Variants in ANKRD62 observed in about 807,000 individuals in gnomAD.
ANKRD62 encodes the protein ankyrin repeat domain-containing protein 62.
ANKRD62 carries 61 observed loss-of-function variants against 98.8 expected under a neutral mutation model. That is an observed-to-expected ratio of 0.62 (90% confidence interval 0.50 to 0.76). The LOEUF is 0.76. Among genes scored for constraint, ANKRD62 ranks in the 30% least tolerant of loss-of-function variants. The pLI, the probability that ANKRD62 is intolerant of heterozygous loss-of-function variation, is 0.00. For missense variants in ANKRD62, 933 were observed against 1,082.9 expected, an observed-to-expected ratio of 0.86 and a Z score of 1.94; for synonymous variants, 341 against 367.9, an observed-to-expected ratio of 0.93 and a Z score of 0.84.
At chr18:12,172,691 G>A in the ANKRD62 span, among the ~76,000 whole-genome samples, 1 of 152,208 alleles carries the variant, frequency 6.6e-6, no homozygotes, top group Non-Finnish European at 1.5e-5. Context: ...GTTCAGCTAT[G>A]CTCTGTCCCC....
intron 10 of ANKRD62, among the ~76,000 whole-genome samples, chr18:12,117,010 G>T (rs1017687297): frequency 6.6e-6 from 1 of 152,030 alleles, no homozygotes; most frequent in Non-Finnish European, 1.5e-5. Context: ...TTTTGATGTA[G>T]TTGTAAATCA....
chr18:12,135,994 G>T, the ANKRD62 span, among the ~76,000 whole-genome samples: 3 of 152,128 alleles, frequency 2.0e-5, no homozygotes, highest in Non-Finnish European at 4.4e-5. Context: ...TCTGTAGGTT[G>T]CCTGTTCACT....
the ANKRD62 span, among the ~76,000 whole-genome samples, chr18:12,160,893 T>TG: frequency 6.6e-6 from 1 of 152,116 alleles, no homozygotes; most frequent in Non-Finnish European, 1.5e-5. Context: ...TAGGAAGATG[T>TG]GCTCAAGAAG....
chr18:12,104,579 T>C (rs1451995963), intron 7 of ANKRD62, among the ~76,000 whole-genome samples: 1 of 152,092 alleles, frequency 6.6e-6, no homozygotes, highest in Non-Finnish European at 1.5e-5. Context: ...TTAAAACTCA[T>C]CAAAATTGAG....
chr18:12,103,383 T>A (rs1300086407), intron 7 of ANKRD62, among the ~76,000 whole-genome samples, 155 bp downstream of exon 7: 1 of 152,178 alleles, frequency 6.6e-6, no homozygotes, highest in Non-Finnish European at 1.5e-5. Flanking sequence ...TTTAAAGTGT[T>A]CTAAGAATCT....
chr18:12,126,314 G>C lies in ANKRD62; in HGVS notation c.2493G>C (p.Gly831=), dbSNP rs1445679490. Residue 831 remains glycine (G), a synonymous_variant, in exon 13 of 14, where the codon GGG becomes GGC. Transcript: ENST00000587848. ...GAAAGCTAGAAGAGAACAATAAGGGGTTGATGAAGGAATGCACTCTTTTAA... is the reference window on the plus strand; with the variant it reads ...GAAAGCTAGAAGAGAACAATAAGGGCTTGATGAAGGAATGCACTCTTTTAA... ...ECRKLEENNK[G]LMKECTLLKE... is the part of the protein sequence containing the mutation. 12 of 1,533,164 alleles carry C rather than the reference G, an allele frequency of 7.8e-6. No individual in the cohort carries two copies. In the South Asian group the frequency reaches 1.4e-4, roughly 18 times the overall value. 95.0% of individuals were successfully genotyped at this position (1,533,164 alleles called of 1,614,324 possible).
the ANKRD62 span, among the ~76,000 whole-genome samples, chr18:12,167,650 C>G: frequency 3.3e-5 from 5 of 152,278 alleles, no homozygotes; most frequent in East Asian, 7.7e-4. Context: ...CGTATATACC[C>G]AGTAATAGGA....
the ANKRD62 span, among the ~76,000 whole-genome samples, chr18:12,159,124 G>A: frequency 1.3e-5 from 2 of 152,056 alleles, no homozygotes; most frequent in Non-Finnish European, 2.9e-5. Flanking sequence ...TAAATGACCA[G>A]GAAAACGTGT....
Position 12,125,461 on chromosome 18 carries a change from A to T in ANKRD62, c.1640A>T (p.Asn547Ile). ...GAGAGTTTTCTTTGTTTTATTTAGA[A>T]TTTTCATACTCATGAAAGAGAAAGA... is the stretch of plus-strand genomic sequence containing the variant. ...LKTVRSNSNQ[N>I]FHTHERERDL... The change falls in exon 13 of 14, where the codon AAT (asparagine) becomes ATT (isoleucine). Residue 547 changes from asparagine to isoleucine, a missense_variant and splice_region_variant. This residue lies in a region of ANKRD62 where 362 missense variants were observed against 434.5 expected (regional missense o/e 0.83). Transcript: ENST00000587848. 1 of 1,448,988 alleles carries T rather than the reference A, an allele frequency of 6.9e-7. No homozygotes were observed. The highest frequency in any genetic ancestry group is 9.0e-7 in the Non-Finnish European group (1 of 1,111,196). 89.8% of individuals were successfully genotyped at this position (1,448,988 alleles called of 1,614,324 possible). A position where few individuals can be genotyped will look rare whatever the true frequency, so the allele number is the denominator to read the frequency against.
At chr18:12,102,026 T>A (rs1909309926) in intron 6 of ANKRD62, 1 of 1,377,722 alleles carries the variant, frequency 7.3e-7, no homozygotes, top group East Asian at 2.3e-5. Context: ...GCTTTGCAGA[T>A]GCCCACATCA....
At chr18:12,097,179 T>G (rs1346904748) in intron 4 of ANKRD62, among the ~76,000 whole-genome samples, 1 of 152,236 alleles carries the variant, frequency 6.6e-6, no homozygotes, top group African/African-American at 2.4e-5. Context: ...GCCTCGCATA[T>G]GATTATCAGC....
In ANKRD62 at chr18:12,123,690, A is replaced by G. The variant is rs191366477; in HGVS notation, c.1455-447A>G. On this transcript the variant is annotated intron_variant, in intron 11 of 13. Transcript: ENST00000587848. ...TTGCAAGAAGGCATCTGGAGGTGCTATCTTACAATGTAAATCATGTTTAGG... is the reference window on the plus strand; with the variant it reads ...TTGCAAGAAGGCATCTGGAGGTGCTGTCTTACAATGTAAATCATGTTTAGG... Among the ~76,000 whole-genome samples the G allele has an allele frequency of 3.9e-4, 59 of 152,360 alleles. No individual in the cohort carries two copies. In the East Asian group the frequency reaches 6.7e-3, roughly 17 times the overall value.
At chr18:12,138,864 AC>A in the ANKRD62 span, among the ~76,000 whole-genome samples, 1 of 150,718 alleles carries the variant, frequency 6.6e-6, no homozygotes, top group Non-Finnish European at 1.5e-5. Context: ...TAGGATTGCA[AC>A]CCCTCCCTTT....
chr18:12,167,315 GT>G, the ANKRD62 span, among the ~76,000 whole-genome samples: 1 of 151,470 alleles, frequency 6.6e-6, no homozygotes, highest in African/African-American at 2.4e-5. Flanking sequence ...GCCCTGGTGT[GT>G]GATGTTCCCT....
chr18:12,116,687 G>A (rs906694770), intron 10 of ANKRD62, among the ~76,000 whole-genome samples: 1 of 152,094 alleles, frequency 6.6e-6, no homozygotes, highest in Non-Finnish European at 1.5e-5. Context: ...ATTCTTTGTT[G>A]TGTTTTGCTT....
At chr18:12,139,822 G>A in the ANKRD62 span, among the ~76,000 whole-genome samples, 14 of 152,044 alleles carry the variant, frequency 9.2e-5, no homozygotes, top group South Asian at 4.2e-4. Flanking sequence ...ACAATTATGC[G>A]TCTTGGAGTT....
intron 10 of ANKRD62, among the ~76,000 whole-genome samples, chr18:12,119,201 G>T (rs1446337920): frequency 4.0e-5 from 6 of 150,350 alleles, no homozygotes; most frequent in African/African-American, 1.5e-4. Context: ...GTTTTTTTTT[G>T]TATCTGTACA....
chr18:12,119,315 T>G (rs1441452044), intron 10 of ANKRD62, among the ~76,000 whole-genome samples: 1 of 150,774 alleles, frequency 6.6e-6, no homozygotes, highest in Non-Finnish European at 1.5e-5. Context: ...TTTATCAATC[T>G]CCCAAAGTGT....
At chr18:12,123,141 G>C (rs76071454) in intron 11 of ANKRD62, among the ~76,000 whole-genome samples, 4 of 152,116 alleles carry the variant, frequency 2.6e-5, no homozygotes, top group East Asian at 3.9e-4. Context: ...CTCTGCTTCC[G>C]GGTTCAAGCA....
Sources: allele counts gnomAD v4.1 joint callset (sites outside exome capture counted in the v4.1 genomes callset), GRCh38; gene constraint gnomAD v4.1.1; regional missense constraint gnomAD v4.1.1; transcripts MANE v1.5; gene names NCBI Gene and HGNC (gene_info 2026-07-23, HGNC 2026-07-21).